ETV6: variants seen among roughly 807,000 people sequenced by gnomAD.
ETV6 encodes transcription factor ETV6.
In ETV6, 16 loss-of-function variants were observed where a neutral mutation model predicts 51.1. The ratio of observed to expected loss-of-function variants is 0.31; its 90% CI spans 0.21 to 0.48. ETV6 has a LOEUF of 0.48. ETV6 is among the 20% of genes least tolerant of loss of function. The pLI, the probability that ETV6 is intolerant of heterozygous loss-of-function variation, is 0.99. For synonymous variants in ETV6, 240 were observed against 224.1 expected (o/e 1.07, Z -0.64); for missense variants, 458 against 594.8 (o/e 0.77, Z 2.39).
intron 5 of ETV6, 62 bp downstream of exon 5, chr12:11,870,031 C>G: frequency 1.3e-6 from 2 of 1,531,338 alleles, no homozygotes; most frequent in Admixed American, 3.7e-5. Flanking sequence ...CCCACTCTCC[C>G]CTGTGATCTT....
chr12:11,878,545 C>A (rs1415612456), intron 5 of ETV6, among the ~76,000 whole-genome samples: 1 of 152,054 alleles, frequency 6.6e-6, no homozygotes, highest in Non-Finnish European at 1.5e-5. Flanking sequence ...CTTCTCCACA[C>A]CTTATGTAAT....
Position 11,682,144 on chromosome 12 carries a change from C to T in ETV6, c.33+31984C>T, listed in dbSNP as rs373177478. On this transcript the variant is annotated intron_variant, in intron 1 of 7. Coordinates refer to ENST00000396373, the MANE Select transcript of ETV6 (RefSeq NM_001987.5). Reference sequence around the variant, plus strand: ...GTTCTAGATCCTTGAGGAATCGCCGCACTGTCCACAATGGTTGAACTAATT... The same window carrying T: ...GTTCTAGATCCTTGAGGAATCGCCGTACTGTCCACAATGGTTGAACTAATT... 3.3e-5 allele frequency among the ~76,000 whole-genome samples: 5 copies of T among 152,262 alleles called. No homozygotes were observed. The South Asian group carries it at 8.3e-4, about 25-fold the overall frequency.
At chr12:11,701,069 GT>G (rs967828949) in intron 1 of ETV6, among the ~76,000 whole-genome samples, 124 of 142,052 alleles carry the variant, frequency 8.7e-4, no homozygotes, top group South Asian at 2.5e-3. Flanking sequence ...ATGTCCCTAT[GT>G]TTTTTTTTTT....
At chr12:11,752,647 T>C (rs1169597740) in intron 2 of ETV6, 68 bp downstream of exon 2, 2 of 1,548,350 alleles carry the variant, frequency 1.3e-6, no homozygotes, top group Admixed American at 3.5e-5. Context: ...GGCAGTGGGC[T>C]CCAGGCCAGA....
chr12:11,845,502 T>C, intron 3 of ETV6, among the ~76,000 whole-genome samples: 1 of 150,774 alleles, frequency 6.6e-6, no homozygotes, highest in South Asian at 2.1e-4. Flanking sequence ...GTCTTAAATA[T>C]GATACTTAAA....
At chr12:11,840,161 C>A (rs532895213) in intron 3 of ETV6, among the ~76,000 whole-genome samples, 1 of 152,144 alleles carries the variant, frequency 6.6e-6, no homozygotes, top group Admixed American at 6.5e-5. Context: ...CTAAAAAATA[C>A]AAGCAGAGGT....
At chr12:11,812,263 T>G (rs16907310) in intron 2 of ETV6, among the ~76,000 whole-genome samples, 33,773 of 152,032 alleles carry the variant, frequency 0.22, 3,875 homozygotes, top group Middle Eastern at 0.28. Context: ...CTGGTGAAGA[T>G]CAGTCCTGAG....
intron 3 of ETV6, among the ~76,000 whole-genome samples, chr12:11,851,754 A>G (rs1216482772): frequency 6.6e-6 from 1 of 152,200 alleles, no homozygotes; most frequent in Non-Finnish European, 1.5e-5. Flanking sequence ...CCAAATTTCA[A>G]AGGTAGAGGT....
chr12:11,745,524 G>A (rs1449643498), intron 1 of ETV6, among the ~76,000 whole-genome samples: 1 of 152,042 alleles, frequency 6.6e-6, no homozygotes, highest in African/African-American at 2.4e-5. Context: ...TCCCCCACAG[G>A]CCACATATAT....
At chr12:11,746,698 A>T (rs1311082681) in intron 1 of ETV6, among the ~76,000 whole-genome samples, 1 of 152,088 alleles carries the variant, frequency 6.6e-6, no homozygotes, top group African/African-American at 2.4e-5. Context: ...ATGGATGCTG[A>T]AATATTTCTT....
chr12:11,711,208 C>T (rs1432108069), intron 1 of ETV6, among the ~76,000 whole-genome samples: 1 of 152,194 alleles, frequency 6.6e-6, no homozygotes, highest in Non-Finnish European at 1.5e-5. Flanking sequence ...TCTCCTTTCT[C>T]GTTTTCTTTT....
chr12:11,745,625 G>A (rs570716230), intron 1 of ETV6, among the ~76,000 whole-genome samples: 3 of 152,248 alleles, frequency 2.0e-5, no homozygotes, highest in South Asian at 2.1e-4. Flanking sequence ...TGTGATTTCT[G>A]GGGGCAGACT....
chr12:11,779,896 C>T (rs1945386743), intron 2 of ETV6, among the ~76,000 whole-genome samples: 1 of 152,154 alleles, frequency 6.6e-6, no homozygotes, highest in South Asian at 2.1e-4. Context: ...TCTGCATTTG[C>T]CTAGTGTGCT....
At chr12:11,836,438 G>A (rs570302391) in intron 2 of ETV6, among the ~76,000 whole-genome samples, 1 of 152,156 alleles carries the variant, frequency 6.6e-6, no homozygotes, top group East Asian at 1.9e-4. Flanking sequence ...CCTGTAACTT[G>A]CTGGGTTCCT....
At chr12:11,656,306 C>T (rs190167769) in intron 1 of ETV6, among the ~76,000 whole-genome samples, 3 of 152,258 alleles carry the variant, frequency 2.0e-5, no homozygotes, top group Admixed American at 1.3e-4. Flanking sequence ...GACTCTAATT[C>T]CAAAGTATTT....
At chr12:11,658,076 A>G (rs184890812) in intron 1 of ETV6, among the ~76,000 whole-genome samples, 126 of 152,246 alleles carry the variant, frequency 8.3e-4, no homozygotes, top group African/African-American at 2.8e-3. Context: ...GGTTGTTGGG[A>G]TATGTACATT....
chr12:11,814,538 C>T (rs540974379), intron 2 of ETV6, among the ~76,000 whole-genome samples: 2 of 152,232 alleles, frequency 1.3e-5, no homozygotes, highest in Admixed American at 1.3e-4. Flanking sequence ...ATGATCTTAG[C>T]CCAGCTGTGT....
At chr12:11,720,231 A>G (rs1423144389) in intron 1 of ETV6, among the ~76,000 whole-genome samples, 1 of 152,234 alleles carries the variant, frequency 6.6e-6, no homozygotes, top group African/African-American at 2.4e-5. Context: ...CCATCAGCAC[A>G]GTCATCTCCC....
Position 11,891,138 on chromosome 12 carries a change from G to A in ETV6, c.*92G>A, listed in dbSNP as rs770520514. 8.5e-5 allele frequency: 89 copies of A among 1,047,708 alleles called. No individual in the cohort carries two copies. The highest frequency in any genetic ancestry group is 1.3e-4 in the Non-Finnish European group (88 of 694,350). 64.9% of individuals were successfully genotyped at this position (1,047,708 alleles called of 1,614,324 possible). On this transcript the variant is annotated 3_prime_UTR_variant, in exon 8 of 8. Transcript: ENST00000396373. ...AGTGTGACGGAGCAGGCGGGCTGAG[G>A]AGAGTGGAAAAGGAAGCGACCCAGA...
Sources: gnomAD v4.1 joint callset for allele counts (sites outside exome capture counted in the v4.1 genomes callset) on GRCh38, gnomAD v4.1.1 for gene constraint, MANE v1.5 for transcripts, NCBI Gene and HGNC (gene_info 2026-07-23, HGNC 2026-07-21) for gene names.